CCT3: variants seen among roughly 807,000 people sequenced by gnomAD.
The protein encoded by CCT3 is T-complex protein 1 subunit gamma.
CCT3 carries 10 observed loss-of-function variants against 65.3 expected under a neutral mutation model. The observed-to-expected ratio is 0.15, with a 90% CI of 0.09 to 0.26. The LOEUF is 0.26. Ranked by LOEUF, CCT3 falls within the 10% of genes least tolerant of loss-of-function variation. The probability of loss-of-function intolerance (pLI) is 1.00; values close to 1 mark genes in which losing one functional copy is unlikely to be tolerated. For synonymous variants in CCT3, 225 were observed against 242.3 expected (o/e 0.93, Z 0.66); for missense variants, 626 against 708.7 (o/e 0.88, Z 1.33).
rs1370383104 is a variant in CCT3 at position 156,312,197 on chromosome 1, G to A, written c.999C>T (p.Ser333=). The A allele has an allele frequency of 3.9e-5, 63 of 1,613,846 alleles. No homozygotes were observed. The East Asian group carries it at 1.4e-3, about 36-fold the overall frequency. Residue 333 remains serine (S), a synonymous_variant, in exon 11 of 14, where the codon AGC becomes AGT. Coordinates refer to ENST00000295688, the MANE Select transcript of CCT3 (RefSeq NM_005998.5). ...IARACGARIV[S]RPEELREDDV... ...CATCTTCTCTCAGTTCCTCTGGTCG[G>A]CTGACTATCCGGGCCCCACAGGCTC...
rs140459087 is a variant in CCT3, at chr1:156,309,596, T to A, written c.1534-293A>T. ...CCTGCACCACCATGCCTGGCTAATT[T>A]TGTATTTTTAGTAGAGATGGGGTTT... On this transcript the variant is annotated intron_variant, in intron 13 of 13. Coordinates refer to ENST00000295688, the MANE Select transcript of CCT3 (RefSeq NM_005998.5). Among the ~76,000 whole-genome samples, 1,440 of 151,782 alleles carry A rather than the reference T, an allele frequency of 9.5e-3. 22 individuals carry two copies. Among genetic ancestry groups the A allele is most frequent in the African/African-American group, 0.033 (1,380 of 41,410 alleles).
chr1:156,320,691 C>A (rs899808338), intron 7 of CCT3, 148 bp downstream of exon 7: 1 of 623,788 alleles, frequency 1.6e-6, no homozygotes, highest in Non-Finnish European at 2.8e-6. Context: ...TGTGACTGTG[C>A]CACTATACTC....
intron 10 of CCT3, 72 bp downstream of exon 10, chr1:156,317,094 T>G: frequency 7.8e-7 from 1 of 1,278,154 alleles, no homozygotes; most frequent in Non-Finnish European, 1.1e-6. Context: ...TTTCAGGTAA[T>G]GATGACTGTT....
At chr1:156,328,850 CAATAAA>C (rs989633669) in intron 5 of CCT3, among the ~76,000 whole-genome samples, 10 of 137,200 alleles carry the variant, frequency 7.3e-5, no homozygotes, top group African/African-American at 2.6e-4. Flanking sequence ...CAAGAATGAT[CAATAAA>C]AATAAAAATA....
intron 6 of CCT3, 145 bp from the exon 7 acceptor site, chr1:156,321,170 T>C (rs1664538807): frequency 4.7e-6 from 3 of 640,482 alleles, no homozygotes; most frequent in African/African-American, 1.8e-5. Context: ...AAAAGGACAT[T>C]AGGAGGTAAC....
chr1:156,309,344 G>A (rs1215654480), intron 13 of CCT3, 41 bp from the exon 14 acceptor site: 9 of 1,347,120 alleles, frequency 6.7e-6, no homozygotes, highest in Non-Finnish European at 9.6e-6. Context: ...CAGCAGAGAA[G>A]GAAAGGACAC....
intron 7 of CCT3, among the ~76,000 whole-genome samples, 162 bp from the exon 8 acceptor site, chr1:156,319,179 C>T (rs1240105508): frequency 1.3e-5 from 2 of 149,160 alleles, no homozygotes; most frequent in African/African-American, 4.9e-5. Flanking sequence ...GTGGTGCAAT[C>T]TCGGCTCACT....
chr1:156,317,014 G>A (rs981503654), intron 10 of CCT3, 152 bp downstream of exon 10: 2 of 653,960 alleles, frequency 3.1e-6, no homozygotes, highest in East Asian at 5.5e-5. Flanking sequence ...TTGGACTAGA[G>A]GACTTCTGAA....
chr1:156,310,220 T>C (rs1490980128), intron 13 of CCT3, among the ~76,000 whole-genome samples: 1 of 151,934 alleles, frequency 6.6e-6, no homozygotes, highest in Non-Finnish European at 1.5e-5. Context: ...AGGCTGGGCA[T>C]GGTGGCTCAT....
chr1:156,317,283 C>G, intron 9 of CCT3, 36 bp from the exon 10 acceptor site: 1 of 1,609,290 alleles, frequency 6.2e-7, no homozygotes, highest in East Asian at 2.2e-5. Context: ...AAGCTGGGTT[C>G]TGAACTGGTT....
chr1:156,309,211 A>G lies in CCT3; in HGVS notation c.1626T>C (p.Ala542=). The G allele has an allele frequency of 6.2e-7, 1 of 1,610,456 alleles. No homozygotes were observed. The highest frequency in any genetic ancestry group is 8.5e-7 in the Non-Finnish European group (1 of 1,176,690). The part of the protein sequence containing the change: ...DQSRQGGAPD[A]GQE Reference sequence around the variant, plus strand: ...CCTTGCCTAGCACTCACTCCTGGCCAGCATCAGGAGCCCCGCCTTGCCGGC... The same window carrying G: ...CCTTGCCTAGCACTCACTCCTGGCCGGCATCAGGAGCCCCGCCTTGCCGGC... Residue 542 remains alanine (A), a synonymous_variant, in exon 14 of 14, where the codon GCT becomes GCC. Coordinates refer to ENST00000295688, the MANE Select transcript of CCT3 (RefSeq NM_005998.5).
At chr1:156,329,745 C>T (rs1354511021) in intron 5 of CCT3, among the ~76,000 whole-genome samples, 1 of 151,486 alleles carries the variant, frequency 6.6e-6, no homozygotes, top group East Asian at 2.0e-4. Flanking sequence ...TTGAGACCAG[C>T]CTGACCAACA....
At chr1:156,337,171 G>A in intron 1 of CCT3, 1 of 771,740 alleles carries the variant, frequency 1.3e-6, no homozygotes, top group Non-Finnish European at 1.9e-6. Context: ...TTGGGAGGCC[G>A]AGGTGGGCGG....
chr1:156,337,029 C>T lies in CCT3; in HGVS notation c.31+1125G>A, dbSNP rs566100994. On this transcript the variant is annotated intron_variant, in intron 1 of 13. Coordinates refer to ENST00000295688, the MANE Select transcript of CCT3 (RefSeq NM_005998.5). Reference sequence around the variant, plus strand: ...ACGGTAAGGGAGGGGAGATGGCTAGCCAGGCTCTGCAGATGAGGTACAGAA... The same window carrying T: ...ACGGTAAGGGAGGGGAGATGGCTAGTCAGGCTCTGCAGATGAGGTACAGAA... The T allele has an allele frequency of 6.9e-5, 86 of 1,253,368 alleles. No individual in the cohort carries two copies. In the African/African-American group the frequency reaches 1.2e-3, roughly 18 times the overall value. The allele number at this position is 1,253,368 out of a possible 1,614,324, so 77.6% of individuals were successfully genotyped here.
rs111451164 is a variant in CCT3, at chr1:156,322,671, A to G, written c.423-1646T>C. Among the ~76,000 whole-genome samples the G allele has an allele frequency of 1.3e-3, 191 of 151,954 alleles. 1 individual carries two copies. Among genetic ancestry groups the G allele is most frequent in the African/African-American group, 4.4e-3 (181 of 41,436 alleles). ...TCGGGAGTTTGAGACCAGCCTGACC[A>G]ATGTGGAGAAAAACTCCGTCTCTAC... On this transcript the variant is annotated intron_variant, in intron 6 of 13. Coordinates refer to ENST00000295688, the MANE Select transcript of CCT3 (RefSeq NM_005998.5).
At chr1:156,335,741 T>C (rs1665310177) in intron 2 of CCT3, 86 bp downstream of exon 2, 36 of 1,084,602 alleles carry the variant, frequency 3.3e-5, no homozygotes, top group Non-Finnish European at 4.8e-5. Context: ...CTATAAAGTC[T>C]AGATGCACAG....
At chr1:156,335,650 A>G in intron 2 of CCT3, 177 bp downstream of exon 2, 1 of 565,938 alleles carries the variant, frequency 1.8e-6, no homozygotes, top group Non-Finnish European at 3.2e-6. Flanking sequence ...CTAACTCAGA[A>G]GGGGAGGGCT....
At chr1:156,331,987 G>A (rs1238971722) in intron 5 of CCT3, among the ~76,000 whole-genome samples, 2 of 151,816 alleles carry the variant, frequency 1.3e-5, no homozygotes, top group Non-Finnish European at 2.9e-5. Flanking sequence ...AGCCGAGATT[G>A]TGCCATTGCA....
chr1:156,317,167 T>G lies in CCT3; in HGVS notation c.973A>C (p.Arg325=), dbSNP rs1469350821. ...VRKTDNNRIA[R]ACGARIVSRP... ...CTTGTTTTTACCTGGCCTACTCACCTAGCAATGCGATTATTGTCTGTCTTC... is the reference window on the plus strand; with the variant it reads ...CTTGTTTTTACCTGGCCTACTCACCGAGCAATGCGATTATTGTCTGTCTTC... Residue 325 remains arginine (R), a splice_region_variant and synonymous_variant, in exon 10 of 14, where the codon AGA becomes CGA. Transcript: ENST00000295688. 2 of 1,613,818 alleles carry G rather than the reference T, an allele frequency of 1.2e-6. No individual in the cohort carries two copies. Among genetic ancestry groups the G allele is most frequent in the Non-Finnish European group, 1.7e-6 (2 of 1,179,666 alleles).
Sources: allele counts gnomAD v4.1 joint callset (sites outside exome capture counted in the v4.1 genomes callset), GRCh38; gene constraint gnomAD v4.1.1; transcripts MANE v1.5; gene names NCBI Gene and HGNC (gene_info 2026-07-23, HGNC 2026-07-21).